Variants in SEPTIN11 observed in about 807,000 individuals in gnomAD.
The protein encoded by SEPTIN11 is septin-11.
Under a neutral mutation model 51.4 loss-of-function variants are expected in SEPTIN11, and 25 were observed. That is an observed-to-expected ratio of 0.49 (90% confidence interval 0.35 to 0.68). SEPTIN11 has a LOEUF of 0.68. Among genes scored for constraint, SEPTIN11 ranks in the 30% least tolerant of loss-of-function variants. The pLI is 0.00. For synonymous variants in SEPTIN11, 174 were observed against 184.1 expected (o/e 0.95, Z 0.44); for missense variants, 381 against 520.8 (o/e 0.73, Z 2.61).
At position 77,024,244 on chromosome 4, in the gene SEPTIN11, G is replaced by T. The variant is rs923063386; in HGVS notation, c.953+3574G>T. ...CCGTCCCTGGGGTGCCTTTAAACCC[G>T]CCTGCATTCACACTTGCGTCTTTAT... On this transcript the variant is annotated intron_variant, in intron 7 of 9. Coordinates refer to ENST00000264893, the MANE Select transcript of SEPTIN11 (RefSeq NM_018243.4). The surrounding 1 kb of genome is among the most constrained non-coding windows in gnomAD (Gnocchi z 4.2). 1.8e-4 allele frequency among the ~76,000 whole-genome samples: 28 copies of T among 152,036 alleles called. No homozygotes were observed. The highest frequency in any genetic ancestry group is 1.8e-4 in the Non-Finnish European group (12 of 68,014).
At chr4:77,011,985 A>G (rs1724896727) in intron 4 of SEPTIN11, 64 bp downstream of exon 4, 1 of 1,415,162 alleles carries the variant, frequency 7.1e-7, no homozygotes, top group Non-Finnish European at 9.8e-7. Flanking sequence ...CTAATGCCCT[A>G]ATTTGTTCTC....
chr4:77,038,781 G>T (rs553297843), downstream of SEPTIN11, among the ~76,000 whole-genome samples: 4 of 152,082 alleles, frequency 2.6e-5, no homozygotes, highest in African/African-American at 7.2e-5. Flanking sequence ...TCAAAGATAC[G>T]TGCCATGTGG....
At chr4:76,999,186 G>C (rs914005457) in intron 2 of SEPTIN11, among the ~76,000 whole-genome samples, 2 of 152,180 alleles carry the variant, frequency 1.3e-5, no homozygotes, top group Non-Finnish European at 2.9e-5. Flanking sequence ...TTTGGGGCCA[G>C]CGTGAGCTCT....
In SEPTIN11 at chr4:77,038,120, C is replaced by G; in HGVS notation, c.*3608C>G. 1 of 985,928 alleles carries G rather than the reference C, an allele frequency of 1.0e-6. No homozygotes were observed. 61.1% of individuals were successfully genotyped at this position (985,928 alleles called of 1,614,324 possible). A position where few individuals can be genotyped will look rare whatever the true frequency, so the allele number is the denominator to read the frequency against. On this transcript the variant is annotated 3_prime_UTR_variant, in exon 10 of 10. Coordinates refer to ENST00000264893, the MANE Select transcript of SEPTIN11 (RefSeq NM_018243.4). ...GCAAGAGTCTGGAATTGTCAGGTCT[C>G]AGCTTCGAAAAGTCCTGGTTCCACT...
Position 77,036,682 on chromosome 4 carries a change from C to T in SEPTIN11, c.*2170C>T. On this transcript the variant is annotated 3_prime_UTR_variant, in exon 10 of 10. Coordinates refer to ENST00000264893, the MANE Select transcript of SEPTIN11 (RefSeq NM_018243.4). ...TTTTAAAAAATGTATTGCTTCTGAACTTTTTTCTGCCACTGCTCCCTAGCC... is the reference window on the plus strand; with the variant it reads ...TTTTAAAAAATGTATTGCTTCTGAATTTTTTTCTGCCACTGCTCCCTAGCC... 1 of 1,518,640 alleles carries T rather than the reference C, an allele frequency of 6.6e-7. No homozygotes were observed. The highest frequency in any genetic ancestry group is 8.8e-7 in the Non-Finnish European group (1 of 1,141,840). The allele number at this position is 1,518,640 out of a possible 1,614,324, so 94.1% of individuals were successfully genotyped here.
At chr4:76,982,395 G>C (rs1370950575) in intron 1 of SEPTIN11, among the ~76,000 whole-genome samples, 1 of 151,962 alleles carries the variant, frequency 6.6e-6, no homozygotes, top group African/African-American at 2.4e-5. Context: ...ATTTTTAGTA[G>C]ATACGGGGTT....
At chr4:77,006,623 A>G (rs1243037841) in intron 3 of SEPTIN11, among the ~76,000 whole-genome samples, 1 of 152,206 alleles carries the variant, frequency 6.6e-6, no homozygotes, top group Non-Finnish European at 1.5e-5. Flanking sequence ...TTACAACATT[A>G]TGGGCATAAG....
chr4:77,016,633 C>CATATAT lies in SEPTIN11; in HGVS notation c.687+1634_687+1639dup, dbSNP rs1234653472. On this transcript the variant is annotated intron_variant, in intron 5 of 9. Coordinates refer to ENST00000264893, the MANE Select transcript of SEPTIN11 (RefSeq NM_018243.4). ...ATATACACATATATATATATATACA[C>CATATAT]ATATATATATATATATATATATACA... 2.1e-3 allele frequency among the ~76,000 whole-genome samples: 155 copies of CATATAT among 72,734 alleles called. 4 individuals carry two copies. The highest frequency in any genetic ancestry group is 5.4e-3 in the African/African-American group (103 of 19,076). The allele number at this position is 72,734 out of a possible 152,430, so 47.7% of individuals were successfully genotyped here.
chr4:77,037,066 A>G lies in SEPTIN11; in HGVS notation c.*2554A>G, dbSNP rs1727080884. 5 of 1,150,642 alleles carry G rather than the reference A, an allele frequency of 4.3e-6. No individual in the cohort carries two copies. The highest frequency in any genetic ancestry group is 5.3e-6 in the Non-Finnish European group (5 of 938,248). 71.3% of individuals were successfully genotyped at this position (1,150,642 alleles called of 1,614,324 possible). On this transcript the variant is annotated 3_prime_UTR_variant, in exon 10 of 10. Transcript: ENST00000264893. Reference sequence around the variant, plus strand: ...TTCTTGACCTGAATTTGGAAATCCGAAATTACTAATCCAGGCCAGGTGTGG... The same window carrying G: ...TTCTTGACCTGAATTTGGAAATCCGGAATTACTAATCCAGGCCAGGTGTGG...
At position 77,014,850 on chromosome 4, in the gene SEPTIN11, T is replaced by C; in HGVS notation, c.526-6T>C. The C allele has an allele frequency of 6.2e-7, 1 of 1,613,546 alleles. No individual in the cohort carries two copies. Among genetic ancestry groups the C allele is most frequent in the Non-Finnish European group, 8.5e-7 (1 of 1,179,754 alleles). On this transcript the variant is annotated splice_region_variant and splice_polypyrimidine_tract_variant and intron_variant, in intron 4 of 9. Transcript: ENST00000264893. ...TTGTGTAAAAATGGACGTGTCTGTTTTACAGGTGAACATCATTCCAATAAT... is the reference window on the plus strand; with the variant it reads ...TTGTGTAAAAATGGACGTGTCTGTTCTACAGGTGAACATCATTCCAATAAT...
rs138925026 is a variant in SEPTIN11, at chr4:77,025,227, C to T, written c.954-3402C>T. 1.6e-3 allele frequency among the ~76,000 whole-genome samples: 242 copies of T among 152,174 alleles called. 1 individual carries two copies. The highest frequency in any genetic ancestry group is 5.5e-3 in the African/African-American group (229 of 41,514). ...GTAATTAAAAATTAAGTTTGAAGAA[C>T]TAAAAGTTGCAAAAGATACCACTAA... On this transcript the variant is annotated intron_variant, in intron 7 of 9. Transcript: ENST00000264893.
At chr4:77,019,688 TAGG>T (rs1381440751) in intron 6 of SEPTIN11, among the ~76,000 whole-genome samples, 1 of 152,218 alleles carries the variant, frequency 6.6e-6, no homozygotes, top group Admixed American at 6.5e-5. Context: ...ATCTGAGACT[TAGG>T]AGAATATTTG....
intron 5 of SEPTIN11, among the ~76,000 whole-genome samples, chr4:77,018,260 C>T (rs903679165): frequency 2.0e-5 from 3 of 152,114 alleles, no homozygotes; most frequent in East Asian, 1.9e-4. Flanking sequence ...ACCATCCTGG[C>T]TAACACGGTG....
chr4:77,004,982 C>CATAT (rs1158324329), intron 2 of SEPTIN11, among the ~76,000 whole-genome samples: 3 of 152,064 alleles, frequency 2.0e-5, no homozygotes, highest in Non-Finnish European at 4.4e-5. Flanking sequence ...TAAATAAATA[C>CATAT]ATATATACAT....
intron 1 of SEPTIN11, among the ~76,000 whole-genome samples, chr4:76,967,222 C>T (rs1427592229): frequency 6.6e-6 from 1 of 152,068 alleles, no homozygotes; most frequent in Admixed American, 6.6e-5. Flanking sequence ...AAGTGCTTAA[C>T]CTGATGTAGC....
At chr4:77,033,619 C>T (rs1045165831) in intron 9 of SEPTIN11, among the ~76,000 whole-genome samples, 1 of 152,156 alleles carries the variant, frequency 6.6e-6, no homozygotes, top group East Asian at 1.9e-4. Flanking sequence ...TCCTTGTTTG[C>T]GGCTATACCA....
intron 1 of SEPTIN11, among the ~76,000 whole-genome samples, chr4:76,952,400 C>T (rs767549544): frequency 4.6e-5 from 7 of 152,072 alleles, no homozygotes; most frequent in Non-Finnish European, 1.0e-4. Context: ...TCTCCTTTTG[C>T]GATAACTACC....
chr4:77,029,335 A>AGT (rs71767856), intron 8 of SEPTIN11, among the ~76,000 whole-genome samples: 3,924 of 149,582 alleles, frequency 0.026, 51 homozygotes, highest in Non-Finnish European at 0.03. Context: ...ATTGTATTTG[A>AGT]GTGTGTGTGT....
chr4:76,964,415 C>T (rs1298628093), intron 1 of SEPTIN11, among the ~76,000 whole-genome samples: 1 of 151,790 alleles, frequency 6.6e-6, no homozygotes, highest in African/African-American at 2.4e-5. Context: ...TCTTCCCTCA[C>T]CTCTCCCCAA....
Sources: gnomAD v4.1 joint callset for allele counts (sites outside exome capture counted in the v4.1 genomes callset) on GRCh38, gnomAD v4.1.1 for gene constraint, Gnocchi (gnomAD v3.1) non-coding constraint, MANE v1.5 for transcripts, NCBI Gene and HGNC (gene_info 2026-07-23, HGNC 2026-07-21) for gene names.